The following LRRC7 variants were observed in gnomAD, a reference collection of about 807,000 sequenced individuals.
The protein encoded by LRRC7 is leucine rich repeat containing 7, also known as leucine-rich repeat-containing protein 7.
Under a neutral mutation model 175.7 loss-of-function variants are expected in LRRC7, and 23 were observed. The ratio of observed to expected loss-of-function variants is 0.13; its 90% confidence interval spans 0.09 to 0.19. The LOEUF is 0.19. Among genes scored for constraint, LRRC7 ranks in the 10% least tolerant of loss-of-function variants. LRRC7 has a pLI of 1.00. For missense variants in LRRC7, 1,354 were observed against 1,904.7 expected (o/e 0.71, Z 5.38); for synonymous variants, 685 against 680.9 (o/e 1.01, Z -0.09).
At chr1:69,637,759 G>A (rs572834431) in intron 1 of LRRC7, among the ~76,000 whole-genome samples, 71 of 151,908 alleles carry the variant, frequency 4.7e-4, no homozygotes, top group African/African-American at 1.7e-3. Flanking sequence ...TAATTACACA[G>A]AATCATTTTA....
intron 1 of LRRC7, among the ~76,000 whole-genome samples, chr1:69,617,326 T>C (rs1378094008): frequency 1.3e-5 from 2 of 151,946 alleles, no homozygotes; most frequent in East Asian, 3.9e-4. Context: ...TCATATTATT[T>C]ATATGAGAGG....
At chr1:70,057,375 A>G (rs1034165129) in intron 23 of LRRC7, among the ~76,000 whole-genome samples, 1 of 152,252 alleles carries the variant, frequency 6.6e-6, no homozygotes, top group African/African-American at 2.4e-5. Context: ...TGCGATAATT[A>G]TACTATTAGT....
At chr1:69,784,972 T>G (rs910631232) in intron 3 of LRRC7, among the ~76,000 whole-genome samples, 13 of 152,162 alleles carry the variant, frequency 8.5e-5, no homozygotes, top group African/African-American at 3.1e-4. Context: ...CCTTTATGTC[T>G]AGCACATGAT....
intron 1 of LRRC7, among the ~76,000 whole-genome samples, chr1:69,656,664 A>G (rs1415202132): frequency 3.3e-5 from 5 of 151,982 alleles, no homozygotes; most frequent in African/African-American, 1.2e-4. Context: ...ACATTCGTCA[A>G]ATGGAGTACT....
In LRRC7 at chr1:70,023,388, T is replaced by A. The variant is rs1266812671; in HGVS notation, c.1794+14T>A. On this transcript the variant is annotated intron_variant, in intron 17 of 26. Coordinates refer to ENST00000651989, the MANE Select transcript of LRRC7 (RefSeq NM_001370785.2). ...AGTGGCAGACAGGTAGGCCTAGGTGTCTGGGGTAGGAGAATCTCCCATGTA... is the reference window on the plus strand; with the variant it reads ...AGTGGCAGACAGGTAGGCCTAGGTGACTGGGGTAGGAGAATCTCCCATGTA... The A allele has an allele frequency of 6.4e-7, 1 of 1,552,952 alleles. No individual in the cohort carries two copies. The highest frequency in any genetic ancestry group is 1.8e-5 in the Admixed American group (1 of 56,630).
chr1:69,787,446 TCCATGAG>T (rs1317016699), intron 3 of LRRC7, among the ~76,000 whole-genome samples: 2 of 152,194 alleles, frequency 1.3e-5, no homozygotes, highest in Non-Finnish European at 2.9e-5. Context: ...GCAGAGATTC[TCCATGAG>T]GGCCCTGCCC....
In LRRC7 at chr1:70,011,888, G is replaced by A. The variant is rs1326288620; in HGVS notation, c.1096G>A (p.Ala366Thr). Residue 366 changes from alanine to threonine, a missense_variant, in exon 12 of 27, where the codon GCA becomes ACA. This residue lies in a region of LRRC7 where 201 missense variants were observed against 481.4 expected (regional missense o/e 0.42). Coordinates refer to ENST00000651989, the MANE Select transcript of LRRC7 (RefSeq NM_001370785.2). ...CTACCTTCATAGTCTTCGGACATTA[G>A]CAGTTGATGAGAATTTCCTTCCAGA... ...IGYLHSLRTL[A>T]VDENFLPELP... 6.2e-7 allele frequency: 1 copy of A among 1,605,260 alleles called. No homozygotes were observed. Among genetic ancestry groups the A allele is most frequent in the South Asian group, 1.1e-5 (1 of 90,818 alleles).
chr1:70,009,223 T>C (rs1656260210), intron 11 of LRRC7, among the ~76,000 whole-genome samples: 1 of 152,164 alleles, frequency 6.6e-6, no homozygotes, highest in African/African-American at 2.4e-5. Context: ...TCCTAGTATT[T>C]ATGACTCCTT....
intron 1 of LRRC7, among the ~76,000 whole-genome samples, chr1:69,660,371 C>T (rs756575950): frequency 1.3e-5 from 2 of 152,036 alleles, no homozygotes; most frequent in Non-Finnish European, 2.9e-5. Flanking sequence ...GCTTTTCTCA[C>T]TAGTTAATAG....
At chr1:69,734,878 A>T (rs1451106851) in intron 2 of LRRC7, among the ~76,000 whole-genome samples, 1 of 151,930 alleles carries the variant, frequency 6.6e-6, no homozygotes, top group Non-Finnish European at 1.5e-5. Context: ...AGTTATGTAG[A>T]TAAATAGCAT....
rs1414092338 is a variant in LRRC7, at chr1:70,134,495, G to A, written c.*12608G>A. On this transcript the variant is annotated 3_prime_UTR_variant, in exon 27 of 27. Transcript: ENST00000651989. ...AATTCCATCAAAGCCCTACTTATAT[G>A]GGTTTCAGGTGTTCCCCTGCCAACC... Among the ~76,000 whole-genome samples, 3 of 152,038 alleles carry A rather than the reference G, an allele frequency of 2.0e-5. No homozygotes were observed. Among genetic ancestry groups the A allele is most frequent in the Admixed American group, 2.0e-4 (3 of 15,252 alleles).
intron 7 of LRRC7, among the ~76,000 whole-genome samples, chr1:69,914,157 T>C (rs1381345174): frequency 1.3e-5 from 2 of 152,094 alleles, no homozygotes; most frequent in Non-Finnish European, 2.9e-5. Flanking sequence ...AAAAACAAGT[T>C]AAAAACTGGA....
intron 7 of LRRC7, among the ~76,000 whole-genome samples, chr1:69,869,503 A>G (rs1317238446): frequency 6.6e-6 from 1 of 152,184 alleles, no homozygotes; most frequent in Admixed American, 6.6e-5. Context: ...ACAGTTAGAT[A>G]GAGGACTCTG....
Position 70,130,961 on chromosome 1 carries a change from A to G in LRRC7, c.*9074A>G, listed in dbSNP as rs1666640534. ...TACAGGCTGTTGGCCACAGTTGAGC[A>G]TGACAATGTTTACACACTGCATTTT... On this transcript the variant is annotated 3_prime_UTR_variant, in exon 27 of 27. Coordinates refer to ENST00000651989, the MANE Select transcript of LRRC7 (RefSeq NM_001370785.2). Among the ~76,000 whole-genome samples the G allele has an allele frequency of 6.6e-6, 1 of 152,230 alleles. No homozygotes were observed. Among genetic ancestry groups the G allele is most frequent in the African/African-American group, 2.4e-5 (1 of 41,470 alleles).
At chr1:69,858,618 A>G (rs1283291893) in intron 7 of LRRC7, among the ~76,000 whole-genome samples, 1 of 151,900 alleles carries the variant, frequency 6.6e-6, no homozygotes, top group Non-Finnish European at 1.5e-5. Context: ...ACCATTTCTG[A>G]CCTTGCTTTG....
intron 3 of LRRC7, among the ~76,000 whole-genome samples, chr1:69,781,246 C>A (rs1197786707): frequency 6.6e-6 from 1 of 152,028 alleles, no homozygotes; most frequent in Non-Finnish European, 1.5e-5. Flanking sequence ...CTGGGGCCTG[C>A]GGCCTTTGTG....
rs773334911 is a variant in LRRC7, at chr1:70,013,107, C to T, written c.1250+18C>T. ...GACAACAGGTATTTTTGCAACATTT[C>T]ACAATCACATATTAGTTATTTGCTG... On this transcript the variant is annotated intron_variant, in intron 13 of 26. Transcript: ENST00000651989. 1.4e-6 allele frequency: 2 copies of T among 1,405,124 alleles called. No individual in the cohort carries two copies. Among genetic ancestry groups the T allele is most frequent in the Non-Finnish European group, 2.0e-6 (2 of 1,017,382 alleles). The allele number at this position is 1,405,124 out of a possible 1,614,324, so 87.0% of individuals were successfully genotyped here.
intron 3 of LRRC7, among the ~76,000 whole-genome samples, chr1:69,773,844 T>C (rs1672514051): frequency 6.6e-6 from 1 of 152,146 alleles, no homozygotes; most frequent in Admixed American, 6.5e-5. Context: ...TTAAAGAATG[T>C]ACTAAAGGGT....
chr1:69,657,540 G>C (rs1656829141), intron 1 of LRRC7, among the ~76,000 whole-genome samples: 1 of 151,768 alleles, frequency 6.6e-6, no homozygotes, highest in African/African-American at 2.4e-5. Flanking sequence ...CAAGTAAAAT[G>C]TATACATTGT....
Sources: allele counts gnomAD v4.1 joint callset (sites outside exome capture counted in the v4.1 genomes callset), GRCh38; gene constraint gnomAD v4.1.1; regional missense constraint gnomAD v4.1.1; transcripts MANE v1.5; gene names NCBI Gene and HGNC (gene_info 2026-07-23, HGNC 2026-07-21).